The following SRGAP3 variants were observed in gnomAD, a reference collection of about 807,000 sequenced individuals.
The protein encoded by SRGAP3 is SLIT-ROBO Rho GTPase activating protein 3.
A neutral mutation model predicts 121.1 loss-of-function variants in SRGAP3; 39 were observed. That is an observed-to-expected ratio of 0.32 (90% CI 0.25 to 0.42). SRGAP3 has a LOEUF of 0.42. SRGAP3 is among the 10% of genes least tolerant of loss of function. The pLI is 1.00. For missense variants in SRGAP3, 1,213 were observed against 1,470.6 expected, an observed-to-expected ratio of 0.82 and a Z score of 2.86; for synonymous variants, 601 against 570.0, an observed-to-expected ratio of 1.05 and a Z score of -0.77.
intron 1 of SRGAP3, among the ~76,000 whole-genome samples, chr3:9,126,002 G>A (rs553312468): frequency 8.5e-5 from 13 of 152,270 alleles, no homozygotes; most frequent in East Asian, 1.9e-4. Flanking sequence ...TGTGTGCCCC[G>A]TCTGAAATGG....
chr3:9,164,323 C>T (rs1448509515), intron 1 of SRGAP3, among the ~76,000 whole-genome samples: 1 of 80,874 alleles, frequency 1.2e-5, no homozygotes, highest in African/African-American at 2.9e-5. Flanking sequence ...TGGAGTCTCA[C>T]TCCATTCCCC....
intron 3 of SRGAP3, among the ~76,000 whole-genome samples, chr3:9,308,058 G>A (rs1321722353): frequency 6.6e-6 from 1 of 152,218 alleles, no homozygotes; most frequent in Non-Finnish European, 1.5e-5. Flanking sequence ...GGGAGGCTGA[G>A]GCAGGAGAAT....
chr3:9,315,666 T>C (rs1226808034), intron 3 of SRGAP3, among the ~76,000 whole-genome samples: 1 of 152,180 alleles, frequency 6.6e-6, no homozygotes, highest in African/African-American at 2.4e-5. Flanking sequence ...TGCCACACTG[T>C]ACAAAATTCA....
chr3:9,027,081 G>C lies in SRGAP3; in HGVS notation c.1540-86C>G, dbSNP rs982746647. On this transcript the variant is annotated intron_variant, in intron 12 of 21. Coordinates refer to ENST00000383836, the MANE Select transcript of SRGAP3 (RefSeq NM_014850.4). ...TTGCAAACACCGATTACAGACTCAA[G>C]CCAGAATATTAGTACCATCAGATTA... is the stretch of plus-strand genomic sequence containing the variant. 9 of 1,197,812 alleles carry C rather than the reference G, an allele frequency of 7.5e-6. No homozygotes were observed. The African/African-American group carries it at 1.3e-4, about 18-fold the overall frequency. The allele number at this position is 1,197,812 out of a possible 1,614,324, so 74.2% of individuals were successfully genotyped here.
intron 3 of SRGAP3, among the ~76,000 whole-genome samples, chr3:9,271,446 A>G (rs1173137645): frequency 1.3e-5 from 2 of 152,192 alleles, no homozygotes; most frequent in Non-Finnish European, 2.9e-5. Context: ...CTCCCTCCCC[A>G]GGACAGCCTA....
chr3:9,153,873 A>G lies in SRGAP3; in HGVS notation c.68-28956T>C, dbSNP rs561539331. 9.2e-5 allele frequency among the ~76,000 whole-genome samples: 14 copies of G among 152,146 alleles called. 1 individual carries two copies. The highest frequency in any genetic ancestry group is 3.1e-4 in the African/African-American group (13 of 41,504). ...CTGTGGCCCGACAGGCTGACTTTGG[A>G]ATTGAAACCCCTGTAAGATGGGATC... On this transcript the variant is annotated intron_variant, in intron 1 of 21. Transcript: ENST00000383836.
chr3:9,180,185 T>A (rs369439389), intron 1 of SRGAP3, among the ~76,000 whole-genome samples: 3 of 152,160 alleles, frequency 2.0e-5, no homozygotes. Context: ...ACATTGTCAG[T>A]CACCTCGGCA....
At chr3:8,995,341 T>C (rs1391175371) in intron 18 of SRGAP3, among the ~76,000 whole-genome samples, 1 of 152,134 alleles carries the variant, frequency 6.6e-6, no homozygotes, top group Non-Finnish European at 1.5e-5. Context: ...CTGGGCGTGG[T>C]AGCACGTGCC....
chr3:9,206,282 A>G (rs552137505), intron 1 of SRGAP3, among the ~76,000 whole-genome samples: 4 of 152,224 alleles, frequency 2.6e-5, no homozygotes, highest in Non-Finnish European at 4.4e-5. Context: ...CAGGTACTGT[A>G]TTATCCCTGC....
chr3:9,172,543 C>T (rs1951022799), intron 1 of SRGAP3, among the ~76,000 whole-genome samples: 1 of 152,230 alleles, frequency 6.6e-6, no homozygotes, highest in Admixed American at 6.5e-5. Context: ...TTCCCCCAAA[C>T]CTCTCAGGTG....
At chr3:9,338,035 T>C (rs540997760) in intron 1 of SRGAP3, among the ~76,000 whole-genome samples, 1 of 152,272 alleles carries the variant, frequency 6.6e-6, no homozygotes, top group Non-Finnish European at 1.5e-5. Flanking sequence ...GAAGATAATA[T>C]GGATTTGGAA....
intron 3 of SRGAP3, among the ~76,000 whole-genome samples, chr3:9,286,939 T>C (rs2125268320): frequency 6.6e-6 from 1 of 151,648 alleles, no homozygotes; most frequent in South Asian, 2.1e-4. Flanking sequence ...ACATCGTTAT[T>C]ATCTTCTAGA....
In SRGAP3 at chr3:9,024,491, T is replaced by G. The variant is rs572198723; in HGVS notation, c.1678+770A>C. On this transcript the variant is annotated intron_variant, in intron 14 of 21. Transcript: ENST00000383836. ...TTCAAAAGCAGAGGTGTAAGAAAAA[T>G]TGAGTGTTTCCTGACCCAGTGAGTC... is the stretch of plus-strand genomic sequence containing the variant. Among the ~76,000 whole-genome samples the G allele has an allele frequency of 1.2e-4, 19 of 152,246 alleles. 1 individual carries two copies. The South Asian group carries it at 3.1e-3, about 25-fold the overall frequency.
At chr3:9,028,269 G>T in intron 12 of SRGAP3, 1 of 1,230,028 alleles carries the variant, frequency 8.1e-7, no homozygotes, top group Non-Finnish European at 1.2e-6. Context: ...GTCCTGGGGA[G>T]CCTGCCAAAC....
rs77717338 is a variant in SRGAP3, at chr3:9,098,584, C to T, written c.423+6096G>A. On this transcript the variant is annotated intron_variant, in intron 3 of 21. Coordinates refer to ENST00000383836, the MANE Select transcript of SRGAP3 (RefSeq NM_014850.4). ...CTGACTCTATCTTCTTTGGCACCTG[C>T]CTTTACCACTGAGTATGGGCTCTGG... Among the ~76,000 whole-genome samples, 6 of 152,276 alleles carry T rather than the reference C, an allele frequency of 3.9e-5. No homozygotes were observed. In the East Asian group the frequency reaches 9.7e-4, roughly 25 times the overall value.
chr3:9,257,906 T>C (rs1954169316), intron 3 of SRGAP3, among the ~76,000 whole-genome samples: 1 of 152,098 alleles, frequency 6.6e-6, no homozygotes, highest in South Asian at 2.1e-4. Flanking sequence ...GGTTTCACCA[T>C]CTTGGTGAGG....
intron 1 of SRGAP3, among the ~76,000 whole-genome samples, chr3:9,176,844 T>C (rs1418468141): frequency 6.6e-6 from 1 of 151,998 alleles, no homozygotes; most frequent in East Asian, 1.9e-4. Context: ...TGACCCAAAC[T>C]CCTCCCACCA....
At chr3:9,316,989 A>C (rs953320212) in intron 3 of SRGAP3, among the ~76,000 whole-genome samples, 1 of 152,172 alleles carries the variant, frequency 6.6e-6, no homozygotes, top group Non-Finnish European at 1.5e-5. Context: ...TCAATTCTGT[A>C]GGCCACCGTG....
At position 9,239,479 on chromosome 3, in the gene SRGAP3, C is replaced by T. The variant is rs1262544051; in HGVS notation, c.67+9406G>A. Among the ~76,000 whole-genome samples the T allele has an allele frequency of 6.6e-6, 1 of 152,062 alleles. No homozygotes were observed. Among genetic ancestry groups the T allele is most frequent in the Non-Finnish European group, 1.5e-5 (1 of 68,002 alleles). On this transcript the variant is annotated intron_variant, in intron 1 of 21. Coordinates refer to ENST00000383836, the MANE Select transcript of SRGAP3 (RefSeq NM_014850.4). The surrounding 1 kb of genome is among the most constrained non-coding windows in gnomAD (Gnocchi z 4.0). Reference sequence around the variant, plus strand: ...CCTGGGTTTGTAGCTGAGATTTGTTCACTCTGAGGCACAAGGGAACATGGG... The same window carrying T: ...CCTGGGTTTGTAGCTGAGATTTGTTTACTCTGAGGCACAAGGGAACATGGG...
Sources: allele counts gnomAD v4.1 joint callset (sites outside exome capture counted in the v4.1 genomes callset), GRCh38; gene constraint gnomAD v4.1.1; non-coding constraint Gnocchi (gnomAD v3.1); transcripts MANE v1.5; gene names NCBI Gene and HGNC (gene_info 2026-07-23, HGNC 2026-07-21).